Variants in AGAP1 observed in about 807,000 individuals in gnomAD.
AGAP1 encodes arf-GAP with GTPase, ANK repeat and PH domain-containing protein 1.
AGAP1 carries 29 observed loss-of-function variants against 105.3 expected under a neutral mutation model. The observed-to-expected ratio is 0.28, with a 90% confidence interval of 0.21 to 0.38. The LOEUF is 0.38. Among genes scored for constraint, AGAP1 ranks in the 10% least tolerant of loss-of-function variants. The pLI is 1.00. For synonymous variants in AGAP1, 509 were observed against 485.9 expected, an observed-to-expected ratio of 1.05 and a Z score of -0.63; for missense variants, 998 against 1,165.1, an observed-to-expected ratio of 0.86 and a Z score of 2.09.
At chr2:235,518,151 G>T (rs1942472889) in intron 1 of AGAP1, among the ~76,000 whole-genome samples, 1 of 152,108 alleles carries the variant, frequency 6.6e-6, no homozygotes, top group African/African-American at 2.4e-5. Context: ...TCTCTCCTTT[G>T]CCCGAAGACG....
At chr2:235,756,684 A>G (rs1397646140) in intron 6 of AGAP1, among the ~76,000 whole-genome samples, 1 of 152,158 alleles carries the variant, frequency 6.6e-6, no homozygotes, top group Non-Finnish European at 1.5e-5. Flanking sequence ...GCAGCTTGCA[A>G]GTGAGCATTA....
intron 10 of AGAP1, among the ~76,000 whole-genome samples, chr2:235,894,254 G>A (rs2050690604): frequency 6.6e-6 from 1 of 152,200 alleles, no homozygotes; most frequent in African/African-American, 2.4e-5. Context: ...CTCGGGGGAA[G>A]CAGGAAGAAT....
At chr2:235,708,089 G>A (rs1280385621) in intron 1 of AGAP1, among the ~76,000 whole-genome samples, 1 of 152,216 alleles carries the variant, frequency 6.6e-6, no homozygotes, top group Non-Finnish European at 1.5e-5. Context: ...CATCCATGCG[G>A]TCCTCATATC....
At position 235,719,252 on chromosome 2, in the gene AGAP1, C is replaced by T. The variant is rs1666598234; in HGVS notation, c.310+1608C>T. Among the ~76,000 whole-genome samples, 1 of 152,058 alleles carries T rather than the reference C, an allele frequency of 6.6e-6. No homozygotes were observed. Reference sequence around the variant, plus strand: ...TGTCTGGTGGGGCAGCGCTGGAGGCCCTGGGTTTCTGGAGTAAGAACAAGG... The same window carrying T: ...TGTCTGGTGGGGCAGCGCTGGAGGCTCTGGGTTTCTGGAGTAAGAACAAGG... On this transcript the variant is annotated intron_variant, in intron 3 of 17. Coordinates refer to ENST00000304032, the MANE Select transcript of AGAP1 (RefSeq NM_001037131.3). The surrounding 1 kb of genome is among the most constrained non-coding windows in gnomAD (Gnocchi z 4.9).
chr2:235,699,773 G>A (rs971976047), intron 1 of AGAP1, among the ~76,000 whole-genome samples: 44 of 152,190 alleles, frequency 2.9e-4, no homozygotes, highest in Non-Finnish European at 5.7e-4. Flanking sequence ...ATTCGCAGTG[G>A]GGGTGTCTGC....
At position 235,616,876 on chromosome 2, in the gene AGAP1, G is replaced by A. The variant is rs568553577; in HGVS notation, c.164-92303G>A. Among the ~76,000 whole-genome samples the A allele has an allele frequency of 3.3e-5, 5 of 152,254 alleles. No homozygotes were observed. In the South Asian group the frequency reaches 1.0e-3, roughly 32 times the overall value. On this transcript the variant is annotated intron_variant, in intron 1 of 17. Transcript: ENST00000304032. ...TGTTGCTTCGCTGAAGTGAGGAGGG[G>A]TGTATCTTGTAATTTTTAAATGCCA... is the stretch of plus-strand genomic sequence containing the variant.
chr2:235,773,827 G>A (rs1023073451), intron 6 of AGAP1: 63 of 423,374 alleles, frequency 1.5e-4, no homozygotes, highest in Middle Eastern at 5.4e-4. Context: ...TTCCTTTACT[G>A]TCCTTGCACC....
chr2:236,039,377 G>A (rs572182888), intron 14 of AGAP1, among the ~76,000 whole-genome samples: 1 of 152,130 alleles, frequency 6.6e-6, no homozygotes, highest in Non-Finnish European at 1.5e-5. Context: ...CCCAGGAGAT[G>A]GAGGCTGCAG....
At chr2:235,939,496 C>T (rs1334479228) in intron 12 of AGAP1, among the ~76,000 whole-genome samples, 1 of 151,918 alleles carries the variant, frequency 6.6e-6, no homozygotes, top group Non-Finnish European at 1.5e-5. Flanking sequence ...GCTCGGCCAT[C>T]GCTCAGCCCA....
At chr2:235,588,412 A>G (rs1478319497) in intron 1 of AGAP1, among the ~76,000 whole-genome samples, 4 of 152,046 alleles carry the variant, frequency 2.6e-5, no homozygotes, top group Admixed American at 1.3e-4. Context: ...CTTTAATGCC[A>G]ACGCACCGTC....
chr2:235,832,399 GT>G (rs1403821985), intron 9 of AGAP1, among the ~76,000 whole-genome samples: 3 of 152,090 alleles, frequency 2.0e-5, no homozygotes, highest in Non-Finnish European at 4.4e-5. Context: ...TTTCCTTACA[GT>G]TTGATAAAAT....
chr2:235,873,591 G>A lies in AGAP1; in HGVS notation c.1051-9754G>A, dbSNP rs992847758. Among the ~76,000 whole-genome samples, 24 of 152,242 alleles carry A rather than the reference G, an allele frequency of 1.6e-4. No individual in the cohort carries two copies. In the East Asian group the frequency reaches 1.7e-3, roughly 11 times the overall value. On this transcript the variant is annotated intron_variant, in intron 9 of 17. Coordinates refer to ENST00000304032, the MANE Select transcript of AGAP1 (RefSeq NM_001037131.3). ...CATTAAATCCACAGCTGGGGAGTCCGGGCTTTCCCAGGATTGGGGCCCTTC... is the reference window on the plus strand; with the variant it reads ...CATTAAATCCACAGCTGGGGAGTCCAGGCTTTCCCAGGATTGGGGCCCTTC...
chr2:235,898,191 C>T (rs980661242), intron 10 of AGAP1, among the ~76,000 whole-genome samples: 1 of 152,228 alleles, frequency 6.6e-6, no homozygotes, highest in Non-Finnish European at 1.5e-5. Context: ...CACTTGATAG[C>T]ATTTTATGGC....
Position 236,095,174 on chromosome 2 carries a change from A to G in AGAP1, c.2115-25018A>G, listed in dbSNP as rs1013499696. Among the ~76,000 whole-genome samples, 2 of 152,044 alleles carry G rather than the reference A, an allele frequency of 1.3e-5. No homozygotes were observed. The highest frequency in any genetic ancestry group is 2.9e-5 in the Non-Finnish European group (2 of 68,018). ...CACTTCGGGAGGCCAAGGCGGGTGG[A>G]TTGCTTGAGCTCAGGAGTTCGAGAC... is the stretch of plus-strand genomic sequence containing the variant. On this transcript the variant is annotated intron_variant, in intron 16 of 17. Coordinates refer to ENST00000304032, the MANE Select transcript of AGAP1 (RefSeq NM_001037131.3). The surrounding 1 kb of genome is among the most constrained non-coding windows in gnomAD (Gnocchi z 4.1).
chr2:235,899,010 G>A lies in AGAP1; in HGVS notation c.1156-9728G>A, dbSNP rs1244646941. On this transcript the variant is annotated intron_variant, in intron 10 of 17. Coordinates refer to ENST00000304032, the MANE Select transcript of AGAP1 (RefSeq NM_001037131.3). ...GTTTAGGAAAACAAGAGTAGTTCCT[G>A]TAAAAGCAATGCATGGGAAAAATAC... Among the ~76,000 whole-genome samples the A allele has an allele frequency of 5.3e-5, 8 of 152,292 alleles. No homozygotes were observed. The East Asian group carries it at 1.5e-3, about 29-fold the overall frequency.
In AGAP1 at chr2:236,012,680, A is replaced by G. The variant is rs924198244; in HGVS notation, c.1646-23881A>G. On this transcript the variant is annotated intron_variant, in intron 13 of 17. Coordinates refer to ENST00000304032, the MANE Select transcript of AGAP1 (RefSeq NM_001037131.3). This position sits in a 1 kb window ranked among gnomAD's most constrained non-coding sequence, Gnocchi z 4.9. ...AAACCTGAAGGTATAGACATAAAGAAGTCTTCACTTGTGAAAAATTAAATG... is the reference window on the plus strand; with the variant it reads ...AAACCTGAAGGTATAGACATAAAGAGGTCTTCACTTGTGAAAAATTAAATG... Among the ~76,000 whole-genome samples, 2 of 152,200 alleles carry G rather than the reference A, an allele frequency of 1.3e-5. No individual in the cohort carries two copies. The highest frequency in any genetic ancestry group is 2.9e-5 in the Non-Finnish European group (2 of 68,036).
intron 11 of AGAP1, among the ~76,000 whole-genome samples, chr2:235,909,747 G>A (rs1169171670): frequency 1.3e-5 from 2 of 152,286 alleles, no homozygotes; most frequent in Non-Finnish European, 2.9e-5. Context: ...CTGGCTAGGC[G>A]CAGTGGCTCA....
At chr2:236,106,029 C>G (rs917474375) in intron 16 of AGAP1, among the ~76,000 whole-genome samples, 1 of 152,200 alleles carries the variant, frequency 6.6e-6, no homozygotes, top group Non-Finnish European at 1.5e-5. Context: ...ACTGACTTTC[C>G]GGAGCACACA....
At position 235,596,183 on chromosome 2, in the gene AGAP1, CTG is replaced by C. The variant is rs1326377594; in HGVS notation, c.163+101336_163+101337del. Among the ~76,000 whole-genome samples the C allele has an allele frequency of 1.3e-5, 2 of 152,230 alleles. No homozygotes were observed. On this transcript the variant is annotated intron_variant, in intron 1 of 17. Transcript: ENST00000304032. This position sits in a 1 kb window ranked among gnomAD's most constrained non-coding sequence, Gnocchi z 5.9. ...TAAGTGGCACAGCTATCCATGAACA[CTG>C]TAAACATTCCCAGCTCCATCTAAGG...
Sources: allele counts gnomAD v4.1 joint callset (sites outside exome capture counted in the v4.1 genomes callset), GRCh38; gene constraint gnomAD v4.1.1; non-coding constraint Gnocchi (gnomAD v3.1); transcripts MANE v1.5; gene names NCBI Gene and HGNC (gene_info 2026-07-23, HGNC 2026-07-21).